CSMD1: variants seen among roughly 807,000 people sequenced by gnomAD.
CSMD1 encodes the protein CUB and sushi domain-containing protein 1.
Under a neutral mutation model 417.5 loss-of-function variants are expected in CSMD1, and 213 were observed. The ratio of observed to expected loss-of-function variants is 0.51; its 90% CI spans 0.46 to 0.57. The LOEUF is 0.57. Among genes scored for constraint, CSMD1 ranks in the 20% least tolerant of loss-of-function variants. The probability of loss-of-function intolerance (pLI) is 0.00; values close to 1 mark genes in which losing one functional copy is unlikely to be tolerated. For missense variants in CSMD1, 6,923 were observed against 4,529.7 expected, an observed-to-expected ratio of 1.53 and a Z score of -15.17; for synonymous variants, 2,862 against 1,736.8, an observed-to-expected ratio of 1.65 and a Z score of -16.11.
chr8:3,874,574 A>T (rs1183129521), intron 5 of CSMD1, among the ~76,000 whole-genome samples: 3 of 152,172 alleles, frequency 2.0e-5, no homozygotes, highest in Admixed American at 6.5e-5. Context: ...TGCCTCTGTG[A>T]TGGAGATCTT....
chr8:3,607,583 G>C (rs1444163485), intron 8 of CSMD1, among the ~76,000 whole-genome samples: 1 of 152,190 alleles, frequency 6.6e-6, no homozygotes, highest in Non-Finnish European at 1.5e-5. Context: ...GCAGAGCTAG[G>C]AGATCACCAG....
intron 14 of CSMD1, 70 bp from the exon 15 acceptor site, chr8:3,406,291 G>A (rs10110730): frequency 1.9e-5 from 25 of 1,288,452 alleles, no homozygotes; most frequent in Admixed American, 2.6e-5. Context: ...TAAAAAAGAA[G>A]AAAACAGAAC....
At chr8:3,539,380 A>G (rs570200597) in intron 10 of CSMD1, among the ~76,000 whole-genome samples, 24 of 152,282 alleles carry the variant, frequency 1.6e-4, no homozygotes, top group Admixed American at 1.2e-3. Flanking sequence ...TATAAGAAGT[A>G]TATACATATT....
intron 26 of CSMD1, among the ~76,000 whole-genome samples, chr8:3,275,836 T>A (rs943917672): frequency 1.2e-4 from 18 of 152,008 alleles, no homozygotes; most frequent in Non-Finnish European, 1.5e-5. Flanking sequence ...TCTTCTAAAC[T>A]TTTTTCATAG....
intron 3 of CSMD1, among the ~76,000 whole-genome samples, chr8:4,096,342 G>A (rs1035659525): frequency 6.6e-6 from 1 of 152,102 alleles, no homozygotes; most frequent in African/African-American, 2.4e-5. Context: ...AAATAGGACA[G>A]CTTGGATTTC....
chr8:3,936,242 T>C (rs551491532), intron 5 of CSMD1, among the ~76,000 whole-genome samples: 1 of 150,654 alleles, frequency 6.6e-6, no homozygotes, highest in Admixed American at 6.6e-5. Context: ...CAGCAAGTGA[T>C]GATGGAAAGC....
chr8:4,541,626 T>C (rs1339546336), intron 2 of CSMD1, among the ~76,000 whole-genome samples: 2 of 152,072 alleles, frequency 1.3e-5, no homozygotes, highest in Non-Finnish European at 2.9e-5. Context: ...CAAGCACCTG[T>C]AATCCCAACT....
chr8:4,350,105 C>A lies in CSMD1; in HGVS notation c.415+69848G>T, dbSNP rs560065688. ...AACATGACTTATGAGCCACCACTGGCTGCTACGTCAGATTCATCCCAAACT... is the reference window on the plus strand; with the variant it reads ...AACATGACTTATGAGCCACCACTGGATGCTACGTCAGATTCATCCCAAACT... On this transcript the variant is annotated intron_variant, in intron 3 of 69. Coordinates refer to ENST00000635120, the MANE Select transcript of CSMD1 (RefSeq NM_033225.6). Among the ~76,000 whole-genome samples, 3 of 152,308 alleles carry A rather than the reference C, an allele frequency of 2.0e-5. No individual in the cohort carries two copies. In the East Asian group the frequency reaches 5.8e-4, roughly 29 times the overall value.
chr8:3,781,133 G>C lies in CSMD1; in HGVS notation c.819-27091C>G, dbSNP rs1799156765. Among the ~76,000 whole-genome samples, 3 of 152,142 alleles carry C rather than the reference G, an allele frequency of 2.0e-5. 1 individual carries two copies. The highest frequency in any genetic ancestry group is 1.3e-4 in the Admixed American group (2 of 15,280). ...AGCCAAAAACACCTTCAGCTTTGGA[G>C]TTCATGATCAAGGTTGTCCAAACAA... On this transcript the variant is annotated intron_variant, in intron 5 of 69. Transcript: ENST00000635120.
intron 37 of CSMD1, among the ~76,000 whole-genome samples, chr8:3,175,193 AACT>A (rs1820830867): frequency 6.6e-6 from 1 of 152,216 alleles, no homozygotes; most frequent in Non-Finnish European, 1.5e-5. Context: ...TTGAACATTC[AACT>A]ATACTAAAAA....
chr8:4,712,475 A>C (rs1340871097), intron 1 of CSMD1, among the ~76,000 whole-genome samples: 1 of 152,184 alleles, frequency 6.6e-6, no homozygotes, highest in Non-Finnish European at 1.5e-5. Flanking sequence ...TCCCATGTCA[A>C]AGCAGAAATG....
At position 4,244,977 on chromosome 8, in the gene CSMD1, G is replaced by T. The variant is rs111661257; in HGVS notation, c.415+174976C>A. ...AAACTTTAAAATAACCAAAAGCCTGGAGTGGAAGTAAATCGACAAACATCA... is the reference window on the plus strand; with the variant it reads ...AAACTTTAAAATAACCAAAAGCCTGTAGTGGAAGTAAATCGACAAACATCA... On this transcript the variant is annotated intron_variant, in intron 3 of 69. Transcript: ENST00000635120. 3.5e-3 allele frequency among the ~76,000 whole-genome samples: 535 copies of T among 152,242 alleles called. 3 individuals carry two copies. Among genetic ancestry groups the T allele is most frequent in the African/African-American group, 0.012 (502 of 41,534 alleles).
chr8:3,896,505 C>T (rs556894841), intron 5 of CSMD1, among the ~76,000 whole-genome samples: 2 of 151,024 alleles, frequency 1.3e-5, no homozygotes, highest in African/African-American at 2.4e-5. Flanking sequence ...AATATTATTA[C>T]TATTATTATT....
At chr8:3,912,625 C>A (rs1185848017) in intron 5 of CSMD1, among the ~76,000 whole-genome samples, 1 of 152,094 alleles carries the variant, frequency 6.6e-6, no homozygotes, top group African/African-American at 2.4e-5. Flanking sequence ...GTGAATTGCA[C>A]CCAGTGTTTA....
intron 6 of CSMD1, among the ~76,000 whole-genome samples, chr8:3,737,703 C>T (rs376246444): frequency 7.7e-4 from 118 of 152,292 alleles, no homozygotes; most frequent in African/African-American, 2.8e-3. Flanking sequence ...CTTCACGTTT[C>T]TGACTTCCAA....
intron 2 of CSMD1, among the ~76,000 whole-genome samples, chr8:4,422,991 A>G (rs1797335778): frequency 1.3e-5 from 2 of 152,074 alleles, no homozygotes; most frequent in African/African-American, 2.4e-5. Flanking sequence ...AACATGAGAA[A>G]AGTTCTCAGT....
At chr8:3,539,419 A>C (rs1798345579) in intron 10 of CSMD1, among the ~76,000 whole-genome samples, 1 of 152,150 alleles carries the variant, frequency 6.6e-6, no homozygotes, top group Non-Finnish European at 1.5e-5. Context: ...GCCTTCACCC[A>C]TTAGATTATA....
chr8:4,367,476 T>G (rs1802146571), intron 3 of CSMD1, among the ~76,000 whole-genome samples: 1 of 152,196 alleles, frequency 6.6e-6, no homozygotes, highest in East Asian at 1.9e-4. Context: ...GCAGTACAGT[T>G]TGAAATCGGG....
chr8:3,474,891 T>G (rs963102330), intron 11 of CSMD1, among the ~76,000 whole-genome samples: 2 of 152,150 alleles, frequency 1.3e-5, no homozygotes, highest in African/African-American at 2.4e-5. Flanking sequence ...ACTAAATAAA[T>G]CTATTTTTGA....
Sources: gnomAD v4.1 joint callset for allele counts (sites outside exome capture counted in the v4.1 genomes callset) on GRCh38, gnomAD v4.1.1 for gene constraint, MANE v1.5 for transcripts, NCBI Gene and HGNC (gene_info 2026-07-23, HGNC 2026-07-21) for gene names.